The following ALMS1 variants were observed in gnomAD, a reference collection of about 807,000 sequenced individuals.
The protein encoded by ALMS1 is ALMS1 centrosome and basal body associated protein, also known as centrosome-associated protein ALMS1.
ALMS1 carries 271 observed loss-of-function variants against 352.2 expected under a neutral mutation model. The ratio of observed to expected loss-of-function variants is 0.77; its 90% CI spans 0.70 to 0.85. ALMS1 has a LOEUF of 0.85. Among genes scored for constraint, ALMS1 ranks in the 40% least tolerant of loss-of-function variants. The pLI is 0.00. For synonymous variants in ALMS1, 1,865 were observed against 1,761.2 expected, an observed-to-expected ratio of 1.06 and a Z score of -1.48; for missense variants, 5,445 against 4,870.7, an observed-to-expected ratio of 1.12 and a Z score of -3.51.
In ALMS1 at chr2:73,408,604, C is replaced by T. The variant is rs1671015886; in HGVS notation, c.325-18C>T. 6.2e-7 allele frequency: 1 copy of T among 1,610,564 alleles called. No homozygotes were observed. Among genetic ancestry groups the T allele is most frequent in the Non-Finnish European group, 8.5e-7 (1 of 1,177,850 alleles). On this transcript the variant is annotated intron_variant, in intron 1 of 22. Coordinates refer to ENST00000613296, the MANE Select transcript of ALMS1 (RefSeq NM_001378454.1). ...TGATTGTGTTATTACTCTATTTAAG[C>T]CTGCTTTTGATTTTCAGATTGTTCC...
chr2:73,476,570 G>GTT (rs150518132), intron 9 of ALMS1, among the ~76,000 whole-genome samples: 39 of 150,332 alleles, frequency 2.6e-4, no homozygotes, highest in African/African-American at 8.0e-4. Context: ...GTTATTTTCT[G>GTT]TTTTTTTTTG....
At chr2:73,423,583 C>T (rs1671323298) in intron 4 of ALMS1, among the ~76,000 whole-genome samples, 1 of 151,866 alleles carries the variant, frequency 6.6e-6, no homozygotes, top group Non-Finnish European at 1.5e-5. Context: ...AATTGAAAAC[C>T]CACCTTAAAT....
At chr2:73,587,403 T>G (rs571568508) in intron 16 of ALMS1, among the ~76,000 whole-genome samples, 1 of 152,334 alleles carries the variant, frequency 6.6e-6, no homozygotes, top group South Asian at 2.1e-4. Context: ...AGTATAATTT[T>G]GGTGTGGGTT....
At chr2:73,404,592 G>A (rs1444637967) in intron 1 of ALMS1, among the ~76,000 whole-genome samples, 3 of 151,406 alleles carry the variant, frequency 2.0e-5, no homozygotes, top group Admixed American at 6.6e-5. Flanking sequence ...ATCAATTTTT[G>A]TATGTTGAAC....
At chr2:73,594,801 A>G (rs1573048528) in intron 16 of ALMS1, among the ~76,000 whole-genome samples, 1 of 152,108 alleles carries the variant, frequency 6.6e-6, no homozygotes, top group East Asian at 1.9e-4. Flanking sequence ...GTTTTTTCTC[A>G]GGTCTTCACT....
intron 1 of ALMS1, among the ~76,000 whole-genome samples, chr2:73,398,936 C>T (rs1003986366): frequency 7.9e-5 from 12 of 152,018 alleles, no homozygotes; most frequent in South Asian, 2.1e-4. Flanking sequence ...CTCTGCCTCC[C>T]GGGTTCAAGC....
intron 10 of ALMS1, among the ~76,000 whole-genome samples, chr2:73,506,212 C>G (rs1174944775): frequency 6.6e-6 from 1 of 152,160 alleles, no homozygotes; most frequent in Non-Finnish European, 1.5e-5. Context: ...AGTTTGAAGT[C>G]AGGTAGCATG....
At chr2:73,596,342 C>G (rs1356627038) in intron 16 of ALMS1, among the ~76,000 whole-genome samples, 2 of 152,250 alleles carry the variant, frequency 1.3e-5, no homozygotes, top group African/African-American at 4.8e-5. Flanking sequence ...ATTGTCCCAG[C>G]ATCATTTGTT....
intron 2 of ALMS1, among the ~76,000 whole-genome samples, chr2:73,416,741 T>C (rs1225481109): frequency 6.6e-6 from 1 of 152,130 alleles, no homozygotes; most frequent in Non-Finnish European, 1.5e-5. Context: ...CTAAAGTTGC[T>C]GTCAATATAA....
At chr2:73,601,019 C>G (rs915106070) in intron 18 of ALMS1, 138 bp downstream of exon 18, 35 of 1,393,008 alleles carry the variant, frequency 2.5e-5, no homozygotes, top group South Asian at 6.9e-5. Context: ...TTTTCAGAGT[C>G]CAGCATGGCA....
intron 10 of ALMS1, among the ~76,000 whole-genome samples, chr2:73,501,231 T>G (rs1673212949): frequency 6.6e-6 from 1 of 152,150 alleles, no homozygotes; most frequent in African/African-American, 2.4e-5. Flanking sequence ...AAATCCTCTG[T>G]GTATTGTGAA....
chr2:73,450,288 C>G lies in ALMS1; in HGVS notation c.3761C>G (p.Pro1254Arg). 3.1e-6 allele frequency: 5 copies of G among 1,613,890 alleles called. No individual in the cohort carries two copies. Among genetic ancestry groups the G allele is most frequent in the South Asian group, 1.1e-5 (1 of 91,078 alleles). The change falls in exon 8 of 23, where the codon CCA becomes CGA. Residue 1254 changes from proline to arginine, a missense_variant. Coordinates refer to ENST00000613296, the MANE Select transcript of ALMS1 (RefSeq NM_001378454.1). The stretch of plus-strand genomic sequence containing the variant: ...GGTATTTTCTACCAACAGGTCTTGC[C>G]AGATAATCATCCAACTGAAGAGGCT... ...KPGIFYQQVLPDNHPTEEALK... is the reference protein window; with the variant it reads ...KPGIFYQQVLRDNHPTEEALK...
At chr2:73,402,039 T>C (rs929194104) in intron 1 of ALMS1, among the ~76,000 whole-genome samples, 15 of 138,738 alleles carry the variant, frequency 1.1e-4, no homozygotes, top group Non-Finnish European at 2.2e-4. Context: ...GTGTTATGTG[T>C]GTGTGTGTGT....
At chr2:73,393,765 G>T (rs1234641660) in intron 1 of ALMS1, among the ~76,000 whole-genome samples, 1 of 151,698 alleles carries the variant, frequency 6.6e-6, no homozygotes, top group Admixed American at 6.6e-5. Flanking sequence ...TTTATTTCTG[G>T]ATTCCCAATT....
chr2:73,421,211 A>C (rs548891512), intron 3 of ALMS1, among the ~76,000 whole-genome samples: 1 of 152,096 alleles, frequency 6.6e-6, no homozygotes, highest in African/African-American at 2.4e-5. Flanking sequence ...ACTATTCCTT[A>C]CTTATACTTA....
intron 9 of ALMS1, among the ~76,000 whole-genome samples, chr2:73,462,162 A>G (rs1000286359): frequency 6.6e-6 from 1 of 152,150 alleles, no homozygotes; most frequent in Non-Finnish European, 1.5e-5. Context: ...TGTCAGATTC[A>G]CCAAAGTTGA....
chr2:73,480,157 T>A (rs1409320393), intron 9 of ALMS1, among the ~76,000 whole-genome samples: 1 of 152,070 alleles, frequency 6.6e-6, no homozygotes, highest in African/African-American at 2.4e-5. Flanking sequence ...ACATGTGCCA[T>A]GCTGGTGTGC....
rs910807301 is a variant in ALMS1, at chr2:73,449,732, C to G, written c.3205C>G (p.Leu1069Val). The G allele has an allele frequency of 6.2e-7, 1 of 1,614,016 alleles. No individual in the cohort carries two copies. The highest frequency in any genetic ancestry group is 1.3e-5 in the African/African-American group (1 of 74,924). ...LYPQVLSDSH[L>V]PEESLKVSAF... ...CCCACAGGTGTTATCAGACAGTCATCTACCTGAAGAGAGTCTGAAAGTTTC... is the reference window on the plus strand; with the variant it reads ...CCCACAGGTGTTATCAGACAGTCATGTACCTGAAGAGAGTCTGAAAGTTTC... The change falls in exon 8 of 23, where the codon CTA becomes GTA. Residue 1069 changes from leucine (L) to valine (V), a missense_variant. Coordinates refer to ENST00000613296, the MANE Select transcript of ALMS1 (RefSeq NM_001378454.1).
At chr2:73,428,902 T>C (rs1671446865) in intron 6 of ALMS1, among the ~76,000 whole-genome samples, 1 of 151,986 alleles carries the variant, frequency 6.6e-6, no homozygotes, top group Admixed American at 6.5e-5. Context: ...TCATAGTTAC[T>C]TGGTTCACTT....
Sources: allele counts gnomAD v4.1 joint callset (sites outside exome capture counted in the v4.1 genomes callset), GRCh38; gene constraint gnomAD v4.1.1; transcripts MANE v1.5; gene names NCBI Gene and HGNC (gene_info 2026-07-23, HGNC 2026-07-21).